FAM135A: variants seen among roughly 807,000 people sequenced by gnomAD.
FAM135A encodes family with sequence similarity 135 member A.
In FAM135A, 79 loss-of-function variants were observed where a neutral mutation model predicts 146.8. The ratio of observed to expected loss-of-function variants is 0.54; its 90% CI spans 0.45 to 0.65. FAM135A has a LOEUF of 0.65. Among genes scored for constraint, FAM135A ranks in the 30% least tolerant of loss-of-function variants. FAM135A has a pLI of 0.00. For missense variants in FAM135A, 1,623 were observed against 1,758.2 expected, an observed-to-expected ratio of 0.92 and a Z score of 1.38; for synonymous variants, 562 against 603.6, an observed-to-expected ratio of 0.93 and a Z score of 1.01.
chr6:70,510,384 C>G (rs533222705), intron 12 of FAM135A, among the ~76,000 whole-genome samples: 16 of 152,188 alleles, frequency 1.1e-4, no homozygotes, highest in African/African-American at 3.4e-4. Context: ...ACCATCACCT[C>G]TGTCTTATTC....
chr6:70,542,801 C>G (rs1211522558), intron 20 of FAM135A, among the ~76,000 whole-genome samples: 1 of 152,110 alleles, frequency 6.6e-6, no homozygotes, highest in Non-Finnish European at 1.5e-5. Flanking sequence ...GGCCGCCTCT[C>G]CTGTTGTCCT....
At chr6:70,527,690 T>A (rs568756385) in intron 15 of FAM135A, among the ~76,000 whole-genome samples, 14 of 152,204 alleles carry the variant, frequency 9.2e-5, no homozygotes, top group Non-Finnish European at 1.8e-4. Flanking sequence ...TTTTGATGTT[T>A]GCAATCCCCA....
chr6:70,440,983 C>T (rs76730904), intron 4 of FAM135A, among the ~76,000 whole-genome samples: 19,832 of 152,172 alleles, frequency 0.13, 1,536 homozygotes, highest in Middle Eastern at 0.19. Context: ...TATTATTTCT[C>T]CCTAGTTACT....
chr6:70,475,736 A>C lies in FAM135A; in HGVS notation c.368+3A>C. The C allele has an allele frequency of 6.2e-7, 1 of 1,602,240 alleles. No individual in the cohort carries two copies. The highest frequency in any genetic ancestry group is 1.1e-5 in the South Asian group (1 of 89,682). ...CACTTCACAGATGGAGATTATTCGTAAGTAGCTAATCAATTAAAAAACCTT... is the reference window on the plus strand; with the variant it reads ...CACTTCACAGATGGAGATTATTCGTCAGTAGCTAATCAATTAAAAAACCTT... On this transcript the variant is annotated splice_donor_region_variant and intron_variant, in intron 7 of 21. Coordinates refer to ENST00000418814, the MANE Select transcript of FAM135A (RefSeq NM_001162529.3).
intron 20 of FAM135A, among the ~76,000 whole-genome samples, chr6:70,545,588 C>T (rs1798712377): frequency 6.6e-6 from 1 of 152,088 alleles, no homozygotes; most frequent in Non-Finnish European, 1.5e-5. Flanking sequence ...TATACTCCAG[C>T]CTGGGCAACA....
chr6:70,417,828 T>C (rs1767894917), intron 2 of FAM135A, among the ~76,000 whole-genome samples: 4 of 152,212 alleles, frequency 2.6e-5, no homozygotes, highest in African/African-American at 9.7e-5. Context: ...ACCATCTCTT[T>C]TATCTTTTGG....
At chr6:70,553,531 T>C (rs1420001404) in intron 20 of FAM135A, among the ~76,000 whole-genome samples, 2 of 152,172 alleles carry the variant, frequency 1.3e-5, no homozygotes. Context: ...TTGATATTTT[T>C]TGAGGGAAGA....
chr6:70,421,362 T>G (rs1313475038), intron 2 of FAM135A, among the ~76,000 whole-genome samples: 1 of 152,224 alleles, frequency 6.6e-6, no homozygotes, highest in East Asian at 1.9e-4. Context: ...GTCACAGTAG[T>G]CACATTTCAC....
At chr6:70,480,280 T>A (rs1019017859) in intron 8 of FAM135A, among the ~76,000 whole-genome samples, 2 of 152,102 alleles carry the variant, frequency 1.3e-5, no homozygotes, top group African/African-American at 4.8e-5. Flanking sequence ...GAGACTAGCC[T>A]AAGCAACATA....
chr6:70,456,108 G>A (rs1006318798), intron 5 of FAM135A, among the ~76,000 whole-genome samples: 7 of 152,112 alleles, frequency 4.6e-5, no homozygotes, highest in South Asian at 4.1e-4. Flanking sequence ...CCTCGGCTGC[G>A]CCCATCCTGA....
chr6:70,446,924 G>A (rs187695426), intron 4 of FAM135A, among the ~76,000 whole-genome samples: 7 of 152,302 alleles, frequency 4.6e-5, no homozygotes, highest in South Asian at 4.1e-4. Context: ...CTTGTGCTCC[G>A]CACTGTTGTA....
intron 17 of FAM135A, 84 bp downstream of exon 17, chr6:70,533,335 T>A: frequency 1.2e-6 from 1 of 842,972 alleles, no homozygotes; most frequent in Non-Finnish European, 1.9e-6. Context: ...AAAATGCCTG[T>A]AATAGTAGAA....
chr6:70,443,408 G>T (rs996639591), intron 4 of FAM135A, among the ~76,000 whole-genome samples: 5 of 152,236 alleles, frequency 3.3e-5, no homozygotes, highest in African/African-American at 1.2e-4. Context: ...GCAGTATGCA[G>T]TACAGTACAA....
At chr6:70,465,621 C>T (rs970319584) in intron 5 of FAM135A, among the ~76,000 whole-genome samples, 2 of 152,086 alleles carry the variant, frequency 1.3e-5, no homozygotes, top group African/African-American at 4.8e-5. Flanking sequence ...CTCAACTGTT[C>T]CTCCTGCCTC....
intron 20 of FAM135A, 24 bp from the exon 21 acceptor site, chr6:70,556,725 AT>A: frequency 6.9e-7 from 1 of 1,455,276 alleles, no homozygotes; most frequent in African/African-American, 1.4e-5. Context: ...CTACTGCATT[AT>A]AATTTATTAT....
At chr6:70,519,753 T>C (rs1793125131) in intron 12 of FAM135A, among the ~76,000 whole-genome samples, 2 of 152,244 alleles carry the variant, frequency 1.3e-5, no homozygotes, top group African/African-American at 2.4e-5. Context: ...GACTACAGTA[T>C]AGTGTAAACA....
chr6:70,544,713 C>T (rs756356360), intron 20 of FAM135A, among the ~76,000 whole-genome samples: 1 of 151,556 alleles, frequency 6.6e-6, no homozygotes, highest in Non-Finnish European at 1.5e-5. Context: ...TACACTCCAG[C>T]GGGGGATAGA....
rs1362589251 is a variant in FAM135A, at chr6:70,525,095, A to C, written c.2011A>C (p.Asn671His). Residue 671 changes from asparagine (N) to histidine (H), a missense_variant, in exon 15 of 22, where the codon AAT becomes CAT. Asn to His is a moderately conservative substitution (Grantham distance 68). This residue lies in a region of FAM135A where 1,061 missense variants were observed against 1,113.8 expected (regional missense o/e 0.95). Coordinates refer to ENST00000418814, the MANE Select transcript of FAM135A (RefSeq NM_001162529.3). ...PSNKDPFSGE[N>H]ITVKLGPWTE... ...TAATAAAGATCCTTTCAGTGGAGAG[A>C]ATATAACTGTCAAACTAGGACCTTG... 1 of 1,568,424 alleles carries C rather than the reference A, an allele frequency of 6.4e-7. No homozygotes were observed.
At chr6:70,467,936 CCTT>C (rs1304789285) in intron 5 of FAM135A, among the ~76,000 whole-genome samples, 1 of 151,814 alleles carries the variant, frequency 6.6e-6, no homozygotes, top group Non-Finnish European at 1.5e-5. Context: ...TTAAAAGTGT[CCTT>C]CTGATATTTG....
Sources: gnomAD v4.1 joint callset for allele counts (sites outside exome capture counted in the v4.1 genomes callset) on GRCh38, gnomAD v4.1.1 for gene constraint, gnomAD v4.1.1 regional missense constraint, MANE v1.5 for transcripts, NCBI Gene and HGNC (gene_info 2026-07-23, HGNC 2026-07-21) for gene names.